AKAP12: variants seen among roughly 807,000 people sequenced by gnomAD.
AKAP12 encodes the protein A-kinase anchoring protein 12, also known as A-kinase anchor protein 12.
In AKAP12, 32 loss-of-function variants were observed where a neutral mutation model predicts 79.9. The observed-to-expected ratio is 0.40, with a 90% confidence interval of 0.30 to 0.54. AKAP12 has a LOEUF of 0.54. Among genes scored for constraint, AKAP12 ranks in the 20% least tolerant of loss-of-function variants. AKAP12 has a pLI of 0.48. For missense variants in AKAP12, 2,074 were observed against 2,177.0 expected (o/e 0.95, Z 0.94); for synonymous variants, 808 against 857.0 (o/e 0.94, Z 1.00).
Position 151,350,251 on chromosome 6 carries a change from G to A in AKAP12, c.1860G>A (p.Lys620=). ...WASFKKMVTP[K]KRVRRPSESD... ...CATTCAAAAAGATGGTGACGCCCAA[G>A]AAGCGTGTTAGACGGCCTTCGGAAA... Residue 620 remains lysine (K), a synonymous_variant, in exon 4 of 5, where the codon AAG becomes AAA. Coordinates refer to ENST00000402676, the MANE Select transcript of AKAP12 (RefSeq NM_005100.4). The surrounding 1 kb of genome is among the most constrained non-coding windows in gnomAD (Gnocchi z 4.8). The A allele has an allele frequency of 6.2e-7, 1 of 1,614,108 alleles. No individual in the cohort carries two copies. Among genetic ancestry groups the A allele is most frequent in the Non-Finnish European group, 8.5e-7 (1 of 1,180,024 alleles).
chr6:151,266,740 T>C (rs988590259), intron 2 of AKAP12, among the ~76,000 whole-genome samples: 2 of 152,174 alleles, frequency 1.3e-5, no homozygotes, highest in African/African-American at 4.8e-5. Flanking sequence ...CAGTGAATCA[T>C]GTATGGTACA....
At chr6:151,255,196 G>A (rs535083516) in intron 2 of AKAP12, among the ~76,000 whole-genome samples, 9 of 150,832 alleles carry the variant, frequency 6.0e-5, no homozygotes, top group South Asian at 2.1e-4. Flanking sequence ...ACGGAGTTTC[G>A]CTCTTGTTGC....
intron 2 of AKAP12, among the ~76,000 whole-genome samples, chr6:151,284,953 G>A (rs1409480070): frequency 6.6e-6 from 1 of 152,216 alleles, no homozygotes; most frequent in East Asian, 1.9e-4. Flanking sequence ...AACATTCAGA[G>A]GCTTTGGAGA....
At chr6:151,323,424 G>A (rs566033815) in intron 3 of AKAP12, among the ~76,000 whole-genome samples, 9 of 152,136 alleles carry the variant, frequency 5.9e-5, no homozygotes, top group African/African-American at 2.2e-4. Context: ...GGTGGCATGC[G>A]CCTGTAATCC....
rs1275973826 is a variant in AKAP12 at position 151,348,777 on chromosome 6, C to T, written c.386C>T (p.Ala129Val). 12 of 1,464,554 alleles carry T rather than the reference C, an allele frequency of 8.2e-6. No homozygotes were observed. The highest frequency in any genetic ancestry group is 1.9e-5 in the Admixed American group (1 of 52,060). The allele number at this position is 1,464,554 out of a possible 1,614,324, so 90.7% of individuals were successfully genotyped here. Reference sequence around the variant, plus strand: ...GATAAAGAGATGGCTACTAAGTCAGCGGTTGTTCACGACATCACAGATGAT... The same window carrying T: ...GATAAAGAGATGGCTACTAAGTCAGTGGTTGTTCACGACATCACAGATGAT... Reference protein sequence around the residue: ...DSDKEMATKSAVVHDITDDGQ... With the variant: ...DSDKEMATKSVVVHDITDDGQ... The change falls in exon 4 of 5, where the codon GCG (alanine) becomes GTG (valine). Residue 129 changes from alanine to valine, a missense_variant. Coordinates refer to ENST00000402676, the MANE Select transcript of AKAP12 (RefSeq NM_005100.4).
chr6:151,323,599 G>T, intron 3 of AKAP12: 1 of 580,832 alleles, frequency 1.7e-6, no homozygotes, highest in Non-Finnish European at 2.2e-6. Flanking sequence ...CTTCATGAAT[G>T]TCATAAAAAG....
intron 3 of AKAP12, among the ~76,000 whole-genome samples, chr6:151,345,895 A>ATGTGTGTG (rs367643775): frequency 2.6e-4 from 33 of 128,944 alleles, no homozygotes; most frequent in African/African-American, 9.2e-4. Context: ...GTGTGTGTAT[A>ATGTGTGTG]TGTGTGTGTG....
intron 2 of AKAP12, among the ~76,000 whole-genome samples, chr6:151,254,146 G>A (rs1797244329): frequency 1.3e-5 from 2 of 152,178 alleles, no homozygotes; most frequent in South Asian, 4.1e-4. Context: ...AGTGGAACAT[G>A]TCACTACAAA....
chr6:151,246,116 A>G (rs935818156), intron 2 of AKAP12, among the ~76,000 whole-genome samples: 2 of 152,198 alleles, frequency 1.3e-5, no homozygotes, highest in South Asian at 4.1e-4. Flanking sequence ...CAAGCTTTAT[A>G]TGCATTTAAA....
chr6:151,341,942 G>A (rs576274153), intron 3 of AKAP12, among the ~76,000 whole-genome samples: 17 of 152,242 alleles, frequency 1.1e-4, no homozygotes, highest in Non-Finnish European at 2.4e-4. Context: ...TCTTGCCCCA[G>A]CCCCCAGCCC....
chr6:151,303,165 G>A (rs1429138250), intron 2 of AKAP12, among the ~76,000 whole-genome samples: 3 of 151,882 alleles, frequency 2.0e-5, no homozygotes, highest in Non-Finnish European at 4.4e-5. Context: ...TGGACTACCT[G>A]GGGGACAAGA....
rs1778271002 is a variant in AKAP12, at chr6:151,351,063, T to C, written c.2672T>C (p.Met891Thr). 1.2e-6 allele frequency: 2 copies of C among 1,614,134 alleles called. No homozygotes were observed. The highest frequency in any genetic ancestry group is 1.3e-5 in the African/African-American group (1 of 75,008). Reference protein sequence around the residue: ...SKELSESQVHMMAAAVADGTR... With the variant: ...SKELSESQVHTMAAAVADGTR... ...GAGCTCAGCGAGAGTCAGGTTCATATGATGGCAGCAGCTGTCGCTGACGGG... is the reference window on the plus strand; with the variant it reads ...GAGCTCAGCGAGAGTCAGGTTCATACGATGGCAGCAGCTGTCGCTGACGGG... The change falls in exon 4 of 5, where the codon ATG becomes ACG. Residue 891 changes from methionine (M) to threonine (T), a missense_variant. By Grantham distance (81) the Met-to-Thr change is moderately conservative (BLOSUM62 -1). Transcript: ENST00000402676. The surrounding 1 kb of genome is among the most constrained non-coding windows in gnomAD (Gnocchi z 4.4).
chr6:151,305,062 C>T (rs57427751), intron 2 of AKAP12, among the ~76,000 whole-genome samples: 4,993 of 152,276 alleles, frequency 0.033, 283 homozygotes, highest in African/African-American at 0.11. Flanking sequence ...CTTCTCTGCA[C>T]CCCGTTTATC....
At chr6:151,323,929 G>T (rs767469421) in intron 3 of AKAP12, 2 of 985,362 alleles carry the variant, frequency 2.0e-6, no homozygotes, top group Non-Finnish European at 2.4e-6. Flanking sequence ...CGGCTCCTGG[G>T]ACATCTCTGG....
chr6:151,318,718 T>G (rs1299328249), intron 3 of AKAP12, among the ~76,000 whole-genome samples: 5 of 152,156 alleles, frequency 3.3e-5, no homozygotes, highest in African/African-American at 1.2e-4. Context: ...GGAGGATCAC[T>G]TGAGCCCAGG....
At chr6:151,280,050 T>A (rs1269452709) in intron 2 of AKAP12, among the ~76,000 whole-genome samples, 1 of 150,340 alleles carries the variant, frequency 6.7e-6, no homozygotes, top group Admixed American at 6.6e-5. Flanking sequence ...TTTTTTTTTT[T>A]AAATATGCAT....
In AKAP12 at chr6:151,266,836, C is replaced by G. The variant is rs76415651; in HGVS notation, c.162+26112C>G. Reference sequence around the variant, plus strand: ...TATGGCTGTGAAATGGGAAAATATGCAAAACTGTATTCCACAATAGTAATT... The same window carrying G: ...TATGGCTGTGAAATGGGAAAATATGGAAAACTGTATTCCACAATAGTAATT... On this transcript the variant is annotated intron_variant, in intron 2 of 4. Coordinates refer to ENST00000402676, the MANE Select transcript of AKAP12 (RefSeq NM_005100.4). Among the ~76,000 whole-genome samples the G allele has an allele frequency of 5.9e-3, 897 of 151,790 alleles. 11 individuals carry two copies. The highest frequency in any genetic ancestry group is 0.021 in the African/African-American group (857 of 41,394).
At chr6:151,319,315 A>G (rs1204945475) in intron 3 of AKAP12, among the ~76,000 whole-genome samples, 1 of 151,856 alleles carries the variant, frequency 6.6e-6, no homozygotes, top group Non-Finnish European at 1.5e-5. Flanking sequence ...TGTGCATAGC[A>G]TGCAGCAGAG....
At chr6:151,241,123 G>A (rs545336710) in intron 2 of AKAP12, among the ~76,000 whole-genome samples, 1 of 152,336 alleles carries the variant, frequency 6.6e-6, no homozygotes, top group African/African-American at 2.4e-5. Context: ...CCGGAGCTCC[G>A]AGATGCGGAA....
Sources: allele counts gnomAD v4.1 joint callset (sites outside exome capture counted in the v4.1 genomes callset), GRCh38; gene constraint gnomAD v4.1.1; non-coding constraint Gnocchi (gnomAD v3.1); transcripts MANE v1.5; gene names NCBI Gene and HGNC (gene_info 2026-07-23, HGNC 2026-07-21).